Variants in LPIN3 observed in about 807,000 individuals in gnomAD.
LPIN3 encodes lipin 3.
A neutral mutation model predicts 94.7 loss-of-function variants in LPIN3; 82 were observed. The observed-to-expected ratio is 0.87, with a 90% CI of 0.72 to 1.04. LPIN3 has a LOEUF of 1.04. Ranked by LOEUF, LPIN3 falls within the 50% of genes least tolerant of loss-of-function variation. LPIN3 has a pLI of 0.00. For synonymous variants in LPIN3, 418 were observed against 443.3 expected (o/e 0.94, Z 0.72); for missense variants, 996 against 1,090.5 (o/e 0.91, Z 1.22).
chr20:41,357,265 G>C, intron 15 of LPIN3, 77 bp downstream of exon 15: 1 of 1,603,994 alleles, frequency 6.2e-7, no homozygotes, highest in East Asian at 2.2e-5. Flanking sequence ...GTGTGGTGGG[G>C]AGTGAGAGGA....
At chr20:41,350,021 T>C (rs2045946160) in intron 6 of LPIN3, 34 bp from the exon 7 acceptor site, 5 of 1,567,866 alleles carry the variant, frequency 3.2e-6, no homozygotes, top group Non-Finnish European at 4.3e-6. Flanking sequence ...GGCCTTACCC[T>C]GGCCCACATC....
chr20:41,348,786 G>C lies in LPIN3; in HGVS notation c.456G>C (p.Gln152His). 1 of 1,612,750 alleles carries C rather than the reference G, an allele frequency of 6.2e-7. No individual in the cohort carries two copies. The highest frequency in any genetic ancestry group is 1.1e-5 in the South Asian group (1 of 90,786). Residue 152 changes from glutamine to histidine, a missense_variant, in exon 4 of 20, where the codon CAG (glutamine) becomes CAC (histidine). Physicochemically the swap from Gln to His is conservative, Grantham distance 24. Coordinates refer to ENST00000373257, the MANE Select transcript of LPIN3 (RefSeq NM_022896.3). Reference protein sequence around the residue: ...RKRRRRRKPKQKEDAVATDSS... With the variant: ...RKRRRRRKPKHKEDAVATDSS... ...GGCGTCGCAGGAGGAAACCCAAGCAGAAAGAGGATGCAGTGGCAACTGATT... is the reference window on the plus strand; with the variant it reads ...GGCGTCGCAGGAGGAAACCCAAGCACAAAGAGGATGCAGTGGCAACTGATT...
Position 41,360,545 on chromosome 20 carries a change from G to A in LPIN3, c.*1679G>A, listed in dbSNP as rs1014027620. ...TACAGCTGCCTAAGCCCTCACCTTG[G>A]GGGAGGATCAAAGGGAATAAAGAGA... On this transcript the variant is annotated 3_prime_UTR_variant, in exon 20 of 20. Transcript: ENST00000373257. The A allele has an allele frequency of 6.5e-6, 1 of 152,684 alleles. No individual in the cohort carries two copies. Among genetic ancestry groups the A allele is most frequent in the Non-Finnish European group, 1.5e-5 (1 of 68,072 alleles). 9.5% of individuals were successfully genotyped at this position (152,684 alleles called of 1,614,324 possible). A position where few individuals can be genotyped will look rare whatever the true frequency, so the allele number is the denominator to read the frequency against.
In LPIN3 at chr20:41,345,972, G is replaced by A. The variant is rs201955942; in HGVS notation, c.169G>A (p.Val57Ile). 277 of 1,613,774 alleles carry A rather than the reference G, an allele frequency of 1.7e-4. 1 individual carries two copies. The highest frequency in any genetic ancestry group is 2.3e-4 in the Admixed American group (14 of 60,006). The change falls in exon 2 of 20, where the codon GTC becomes ATC. Residue 57 changes from valine (V) to isoleucine (I), a missense_variant. Transcript: ENST00000373257. ...CCACGTGCGTTTTGGCAAGCTGGGC[G>A]TCCTGCGGTCGCGGGAGAAGGTGGT... ...PFHVRFGKLG[V>I]LRSREKVVDI... is the part of the protein sequence containing the mutation.
chr20:41,358,061 G>A lies in LPIN3; in HGVS notation c.2192+27G>A, dbSNP rs375927324. The A allele has an allele frequency of 9.3e-5, 146 of 1,574,658 alleles. No homozygotes were observed. In the East Asian group the frequency reaches 2.4e-3, roughly 25 times the overall value. ...TAACCACCCCTACACATACAAGCCC[G>A]TGGCCCCCTGGTGGGGAAAGGCAGG... On this transcript the variant is annotated intron_variant, in intron 17 of 19. Coordinates refer to ENST00000373257, the MANE Select transcript of LPIN3 (RefSeq NM_022896.3).
At position 41,347,498 on chromosome 20, in the gene LPIN3, G is replaced by C. The variant is rs868324110; in HGVS notation, c.193-54G>C. ...TGGAGGACCAGCCAGGAGGCCTGTG[G>C]TCGGAAGCATGGGCGTGAAGGCCCA... On this transcript the variant is annotated intron_variant, in intron 2 of 19. Transcript: ENST00000373257. The C allele has an allele frequency of 3.4e-5, 54 of 1,566,978 alleles. No individual in the cohort carries two copies. The Middle Eastern group carries it at 2.2e-3, about 65-fold the overall frequency.
chr20:41,351,920 G>C lies in LPIN3; in HGVS notation c.1202G>C (p.Ser401Thr). ...SENAALYFPQ[S>T]DSGLGARRWS... ...AATGCAGCGCTTTACTTCCCCCAAA[G>C]GTGCCTGGGTTCTGGATGCCAGGGT... Residue 401 changes from serine to threonine, a missense_variant and splice_region_variant, in exon 8 of 20, where the codon AGT becomes ACT. Coordinates refer to ENST00000373257, the MANE Select transcript of LPIN3 (RefSeq NM_022896.3). 1 of 1,614,202 alleles carries C rather than the reference G, an allele frequency of 6.2e-7. No individual in the cohort carries two copies. The highest frequency in any genetic ancestry group is 8.5e-7 in the Non-Finnish European group (1 of 1,180,036).
chr20:41,354,417 G>A (rs2046133463), intron 11 of LPIN3, among the ~76,000 whole-genome samples: 1 of 152,212 alleles, frequency 6.6e-6, no homozygotes, highest in African/African-American at 2.4e-5. Flanking sequence ...AGGGACCGGG[G>A]CTGGGGGCAG....
chr20:41,354,267 G>A (rs1398767287), intron 11 of LPIN3, among the ~76,000 whole-genome samples: 2 of 152,220 alleles, frequency 1.3e-5, no homozygotes, highest in Non-Finnish European at 2.9e-5. Flanking sequence ...ACCAGCTAAA[G>A]ATTGTTCTCC....
intron 1 of LPIN3, 128 bp from the exon 2 acceptor site, chr20:41,345,668 A>T: frequency 1.1e-6 from 1 of 949,848 alleles, no homozygotes; most frequent in Non-Finnish European, 1.5e-6. Context: ...AGCTGCTGCC[A>T]TCTGTGCAAA....
At chr20:41,344,360 T>C (rs529375611) in intron 1 of LPIN3, among the ~76,000 whole-genome samples, 2 of 152,368 alleles carry the variant, frequency 1.3e-5, no homozygotes, top group South Asian at 4.1e-4. Flanking sequence ...ATACCCCTTC[T>C]ATGGCCTGTC....
In LPIN3 at chr20:41,349,795, A is replaced by C; in HGVS notation, c.660A>C (p.Thr220=). Residue 220 remains threonine, a synonymous_variant, in exon 6 of 20, where the codon ACA becomes ACC. Coordinates refer to ENST00000373257, the MANE Select transcript of LPIN3 (RefSeq NM_022896.3). ...PQASLSAGEL[T]SPKSDSELEV... ...GCAGCCTCTCAGCAGGTGAGCTAAC[A>C]TCCCCTAAGAGCGACTCGGAGCTGG... 6.2e-7 allele frequency: 1 copy of C among 1,613,466 alleles called. No homozygotes were observed. Among genetic ancestry groups the C allele is most frequent in the Non-Finnish European group, 8.5e-7 (1 of 1,179,930 alleles).
At chr20:41,352,487 G>T in intron 9 of LPIN3, 119 bp from the exon 10 acceptor site, 1 of 923,582 alleles carries the variant, frequency 1.1e-6, no homozygotes. Context: ...GAGGAGCACT[G>T]CCAGGTTACA....
Position 41,354,715 on chromosome 20 carries a change from G to A in LPIN3, c.1598G>A (p.Arg533His), listed in dbSNP as rs1181138503. The A allele has an allele frequency of 5.6e-6, 9 of 1,607,266 alleles. No homozygotes were observed. Among genetic ancestry groups the A allele is most frequent in the East Asian group, 4.5e-5 (2 of 44,734 alleles). The part of the protein sequence containing the change: ...KGGRWWFSWR[R>H]RDFLAEERSA... ...GGGCGATGGTGGTTTTCCTGGCGAC[G>A]CAGGGACTTCCTGGCCGAGGAGGTG... The change falls in exon 12 of 20, where the codon CGC becomes CAC. Residue 533 changes from arginine to histidine, a missense_variant. By Grantham distance (29) the Arg-to-His change is conservative (BLOSUM62 0). Transcript: ENST00000373257.
At chr20:41,343,060 C>T (rs758456967) in intron 1 of LPIN3, among the ~76,000 whole-genome samples, 40 of 152,234 alleles carry the variant, frequency 2.6e-4, no homozygotes, top group Middle Eastern at 6.8e-3. Context: ...CCTGGAGCTG[C>T]GGGGGATGAA....
chr20:41,357,222 G>A (rs1192136228), intron 15 of LPIN3, 34 bp downstream of exon 15: 7 of 1,612,630 alleles, frequency 4.3e-6, no homozygotes, highest in African/African-American at 2.7e-5. Context: ...AGGGGAGGGA[G>A]AGGGGTTGTG....
At position 41,351,867 on chromosome 20, in the gene LPIN3, G is replaced by A. The variant is rs150510207; in HGVS notation, c.1149G>A (p.Leu383=). 2.5e-6 allele frequency: 4 copies of A among 1,614,080 alleles called. No homozygotes were observed. In the African/African-American group the frequency reaches 5.3e-5, roughly 22 times the overall value. The change falls in exon 8 of 20, where the codon CTG becomes CTA. Residue 383 remains leucine, a synonymous_variant. Coordinates refer to ENST00000373257, the MANE Select transcript of LPIN3 (RefSeq NM_022896.3). ...ACCTGGGCCCCAGTGACATCTACCTGGATGACTTGCCCTCCCTGGACTCTG... is the reference window on the plus strand; with the variant it reads ...ACCTGGGCCCCAGTGACATCTACCTAGATGACTTGCCCTCCCTGGACTCTG... The part of the protein sequence containing the change: ...SQHLGPSDIY[L]DDLPSLDSEN...
intron 16 of LPIN3, 141 bp from the exon 17 acceptor site, chr20:41,357,741 G>A: frequency 8.8e-7 from 1 of 1,140,754 alleles, no homozygotes; most frequent in East Asian, 2.5e-5. Context: ...TCCACTGCCT[G>A]GCCGTTCTCT....
chr20:41,341,796 TG>T (rs2045589883), intron 1 of LPIN3, among the ~76,000 whole-genome samples: 1 of 151,974 alleles, frequency 6.6e-6, no homozygotes, highest in African/African-American at 2.4e-5. Flanking sequence ...CCTAACACGG[TG>T]AAACCCCGTC....
Sources: gnomAD v4.1 joint callset for allele counts (sites outside exome capture counted in the v4.1 genomes callset) on GRCh38, gnomAD v4.1.1 for gene constraint, MANE v1.5 for transcripts, NCBI Gene and HGNC (gene_info 2026-07-23, HGNC 2026-07-21) for gene names.